MID1: variants seen among roughly 807,000 people sequenced by gnomAD.
MID1 encodes midline 1.
Under a neutral mutation model 40.4 loss-of-function variants are expected in MID1, and 7 were observed. The ratio of observed to expected loss-of-function variants is 0.17; its 90% CI spans 0.10 to 0.33. The LOEUF (loss-of-function observed/expected upper bound fraction) is 0.33, where lower values mean the gene tolerates loss of function less well. Among genes scored for constraint, MID1 ranks in the 10% least tolerant of loss-of-function variants. MID1 has a pLI of 1.00. For synonymous variants in MID1, 229 were observed against 221.2 expected (o/e 1.04, Z -0.31); for missense variants, 367 against 558.5 (o/e 0.66, Z 3.46).
chrX:10,469,908 G>A, intron 6 of MID1, 68 bp from the exon 7 acceptor site: 1 of 1,067,025 alleles, frequency 9.4e-7, no homozygotes, highest in Non-Finnish European at 1.3e-6. Flanking sequence ...CAGAGGAGAT[G>A]TTTGACAGTT....
intron 3 of MID1, among the ~76,000 whole-genome samples, chrX:10,513,027 C>T (rs1416879658): frequency 2.7e-5 from 3 of 111,976 alleles, no homozygotes; most frequent in South Asian, 3.7e-4. Flanking sequence ...TTCTTGTTAA[C>T]GGACATTTTA....
Position 10,474,723 on chromosome X carries a change from C to T in MID1, c.1041G>A (p.Gln347=). Residue 347 remains glutamine (Q), a synonymous_variant, in exon 6 of 10, where the codon CAG becomes CAA. Transcript: ENST00000317552. ...TGAGGTTGATTTCAGGAATTAGAAC[C>T]TGGGAGGATGCAGTTGCCATGGAGA... is the stretch of plus-strand genomic sequence containing the variant. ...ERVSMATASS[Q]VLIPEINLND... 8.3e-7 allele frequency: 1 copy of T among 1,208,876 alleles called. No homozygotes were observed. The highest frequency in any genetic ancestry group is 1.1e-6 in the Non-Finnish European group (1 of 893,273).
intron 1 of MID1, among the ~76,000 whole-genome samples, chrX:10,790,085 T>C (rs946376432): frequency 2.7e-5 from 3 of 111,502 alleles, no homozygotes; most frequent in African/African-American, 6.5e-5. Flanking sequence ...CCCCTACCAC[T>C]AAACTCTTAT....
chrX:10,520,184 T>C (rs1437803968), intron 3 of MID1, among the ~76,000 whole-genome samples: 2 of 111,877 alleles, frequency 1.8e-5, no homozygotes, highest in African/African-American at 6.5e-5. Context: ...TCGCATTTTT[T>C]TCTCTTTTAA....
At chrX:10,481,584 C>T (rs1261706395) in intron 5 of MID1, among the ~76,000 whole-genome samples, 7 of 111,440 alleles carry the variant, frequency 6.3e-5, no homozygotes, top group East Asian at 2.8e-4. Context: ...GGATTACAGG[C>T]GCCTGCCACC....
chrX:10,445,928 G>A lies in MID1; in HGVS notation c.*3440C>T, dbSNP rs1928016605. On this transcript the variant is annotated 3_prime_UTR_variant, in exon 10 of 10. Transcript: ENST00000317552. The stretch of plus-strand genomic sequence containing the variant: ...GGAAAAGTGAAAGGTTTTTATGAGA[G>A]TTTTGCATTAAAAGAAAACCAACGA... The A allele has an allele frequency of 9.0e-6, 1 of 111,576 alleles. No homozygotes were observed. The highest frequency in any genetic ancestry group is 9.5e-5 in the Admixed American group (1 of 10,508). 9.2% of individuals were successfully genotyped at this position (111,576 alleles called of 1,213,427 possible). A position where few individuals can be genotyped will look rare whatever the true frequency, so the allele number is the denominator to read the frequency against.
intron 1 of MID1, among the ~76,000 whole-genome samples, chrX:10,706,844 T>C (rs2043234969): frequency 8.9e-6 from 1 of 111,801 alleles, no homozygotes; most frequent in African/African-American, 3.3e-5. Flanking sequence ...AGGAAGCCAA[T>C]CAAATTTTCT....
intron 2 of MID1, among the ~76,000 whole-genome samples, chrX:10,544,173 C>A (rs746385825): frequency 1.5e-4 from 17 of 111,560 alleles, no homozygotes; most frequent in Admixed American, 1.2e-3. Flanking sequence ...CTTATGGCAT[C>A]GTTCTTTAAA....
chrX:10,638,267 C>A (rs910587335), intron 1 of MID1, among the ~76,000 whole-genome samples: 3 of 111,678 alleles, frequency 2.7e-5, no homozygotes, highest in Non-Finnish European at 5.7e-5. Context: ...AAAGGGAAGC[C>A]GTGACAGACA....
At chrX:10,475,139 T>C in intron 5 of MID1, 1 of 334,693 alleles carries the variant, frequency 3.0e-6, no homozygotes, top group Non-Finnish European at 5.8e-6. Flanking sequence ...AAACTGTTTG[T>C]TCCTTTCAGA....
intron 1 of MID1, among the ~76,000 whole-genome samples, chrX:10,750,900 G>A (rs759018043): frequency 9.0e-6 from 1 of 111,378 alleles, no homozygotes; most frequent in African/African-American, 3.3e-5. Flanking sequence ...AGAATGTGGG[G>A]TGGGCAGAGG....
At chrX:10,692,692 A>T (rs1167781734) in intron 1 of MID1, among the ~76,000 whole-genome samples, 3 of 112,026 alleles carry the variant, frequency 2.7e-5, no homozygotes, top group Non-Finnish European at 5.6e-5. Flanking sequence ...TGTGTATTTC[A>T]CACTTACAGC....
intron 7 of MID1, among the ~76,000 whole-genome samples, chrX:10,461,218 C>T (rs1265946577): frequency 2.9e-5 from 3 of 103,470 alleles, no homozygotes; most frequent in African/African-American, 1.1e-4. Flanking sequence ...TTTCTCTAAC[C>T]TGCAAACATT....
At chrX:10,460,365 T>C (rs767613421) in intron 7 of MID1, among the ~76,000 whole-genome samples, 20 of 111,152 alleles carry the variant, frequency 1.8e-4, no homozygotes, top group African/African-American at 6.5e-4. Context: ...ATGATCATCA[T>C]CCCTAGGATG....
intron 3 of MID1, among the ~76,000 whole-genome samples, chrX:10,518,924 C>G (rs1409400647): frequency 8.9e-6 from 1 of 112,122 alleles, no homozygotes; most frequent in African/African-American, 3.2e-5. Flanking sequence ...CATATCTGAT[C>G]TATTAAAATA....
intron 1 of MID1, among the ~76,000 whole-genome samples, chrX:10,571,176 G>A (rs1934712420): frequency 8.9e-6 from 1 of 112,505 alleles, no homozygotes; most frequent in African/African-American, 3.2e-5. Context: ...GCAAGTGTCT[G>A]TACTGTAAAT....
At chrX:10,643,976 T>A (rs1004914037) in intron 1 of MID1, among the ~76,000 whole-genome samples, 4 of 105,686 alleles carry the variant, frequency 3.8e-5, no homozygotes, top group African/African-American at 1.4e-4. Context: ...GGACACAGGG[T>A]GGGGAACATC....
chrX:10,638,138 A>G (rs1936141774), intron 1 of MID1, among the ~76,000 whole-genome samples: 1 of 111,738 alleles, frequency 8.9e-6, no homozygotes. Context: ...GCATATTCCA[A>G]CTGAGGTACC....
At chrX:10,759,742 A>T (rs2043662720) in intron 1 of MID1, among the ~76,000 whole-genome samples, 1 of 111,584 alleles carries the variant, frequency 9.0e-6, no homozygotes, top group South Asian at 3.8e-4. Context: ...TCATTTGCAC[A>T]AGTTCCCATT....
Sources: allele counts gnomAD v4.1 joint callset (sites outside exome capture counted in the v4.1 genomes callset), GRCh38; gene constraint gnomAD v4.1.1; transcripts MANE v1.5; gene names NCBI Gene and HGNC (gene_info 2026-07-23, HGNC 2026-07-21).